The following PCED1B variants were observed in gnomAD, a reference collection of about 807,000 sequenced individuals.
PCED1B encodes PC-esterase domain containing 1B, also known as PC-esterase domain-containing protein 1B.
For missense variants in PCED1B, 573 were observed against 573.9 expected (o/e 1.00, Z 0.02); for synonymous variants, 251 against 246.1 (o/e 1.02, Z -0.19).
intron 2 of PCED1B, among the ~76,000 whole-genome samples, chr12:47,132,045 T>C (rs1940154752): frequency 6.6e-6 from 1 of 152,196 alleles, no homozygotes; most frequent in Non-Finnish European, 1.5e-5. Flanking sequence ...ACCTGGCCAG[T>C]AATGAACTTT....
At position 47,198,491 on chromosome 12, in the gene PCED1B, A is replaced by G. The variant is rs558941515; in HGVS notation, c.-525-17731A>G. Among the ~76,000 whole-genome samples, 17 of 152,286 alleles carry G rather than the reference A, an allele frequency of 1.1e-4. No individual in the cohort carries two copies. In the South Asian group the frequency reaches 1.7e-3, roughly 15 times the overall value. ...TAGATTCTTTCTCCCTACGATCAAG[A>G]ACAAGGCAAGGGTGTCCCCTCCCTC... On this transcript the variant is annotated intron_variant, in intron 2 of 3. Transcript: ENST00000546455.
chr12:47,130,625 G>A (rs1486337377), intron 2 of PCED1B, among the ~76,000 whole-genome samples: 1 of 152,130 alleles, frequency 6.6e-6, no homozygotes, highest in South Asian at 2.1e-4. Context: ...GGAATTCAAG[G>A]CTGCAGTGAG....
chr12:47,130,295 T>G (rs1442745128), intron 2 of PCED1B, among the ~76,000 whole-genome samples: 1 of 152,194 alleles, frequency 6.6e-6, no homozygotes, highest in Non-Finnish European at 1.5e-5. Flanking sequence ...AAAATTGAAA[T>G]TGGTTATTTC....
At chr12:47,177,586 T>G (rs1406203057) in intron 2 of PCED1B, among the ~76,000 whole-genome samples, 1 of 152,174 alleles carries the variant, frequency 6.6e-6, no homozygotes, top group African/African-American at 2.4e-5. Context: ...TATGTTGTAC[T>G]GATGCCTTAG....
At chr12:47,148,001 T>C (rs1209747906) in intron 2 of PCED1B, among the ~76,000 whole-genome samples, 1 of 152,212 alleles carries the variant, frequency 6.6e-6, no homozygotes, top group Non-Finnish European at 1.5e-5. Context: ...AATTTATAAA[T>C]AAAGGAAATT....
chr12:47,128,616 GA>G (rs1024552544), intron 2 of PCED1B, among the ~76,000 whole-genome samples: 34 of 151,942 alleles, frequency 2.2e-4, no homozygotes, highest in African/African-American at 8.2e-4. Context: ...AGAACAGTTT[GA>G]AAAAAATGTC....
intron 2 of PCED1B, among the ~76,000 whole-genome samples, chr12:47,125,736 G>A (rs190537254): frequency 7.2e-5 from 11 of 151,900 alleles, no homozygotes; most frequent in Non-Finnish European, 1.3e-4. Flanking sequence ...TGTCAGATTC[G>A]TTCCTAAGTA....
At chr12:47,160,359 G>A (rs1174276545) in intron 2 of PCED1B, among the ~76,000 whole-genome samples, 2 of 132,776 alleles carry the variant, frequency 1.5e-5, no homozygotes, top group Middle Eastern at 4.5e-3. Context: ...GAGTACAGTG[G>A]TGCAATCACA....
At position 47,123,461 on chromosome 12, in the gene PCED1B, T is replaced by C. The variant is rs140235404; in HGVS notation, c.-526+19266T>C. On this transcript the variant is annotated intron_variant, in intron 2 of 3. Transcript: ENST00000546455. Reference sequence around the variant, plus strand: ...ATCAATTATCTATAGAGAATAGAGATTGCACAAACATTTCCCTTTAAAAAT... The same window carrying C: ...ATCAATTATCTATAGAGAATAGAGACTGCACAAACATTTCCCTTTAAAAAT... Among the ~76,000 whole-genome samples the C allele has an allele frequency of 5.1e-3, 773 of 152,174 alleles. 5 individuals are homozygous for C. Among genetic ancestry groups the C allele is most frequent in the African/African-American group, 0.017 (704 of 41,544 alleles).
chr12:47,231,363 G>A (rs1263082102), intron 3 of PCED1B, among the ~76,000 whole-genome samples: 1 of 151,504 alleles, frequency 6.6e-6, no homozygotes, highest in African/African-American at 2.4e-5. Context: ...TAAGCTGGGG[G>A]TAGTAAATTC....
intron 2 of PCED1B, among the ~76,000 whole-genome samples, chr12:47,151,020 A>G (rs890378288): frequency 1.3e-5 from 2 of 152,140 alleles, no homozygotes; most frequent in African/African-American, 2.4e-5. Context: ...AAGAACTAAC[A>G]TAAGTAACTT....
At chr12:47,181,457 A>T (rs929241166) in intron 2 of PCED1B, among the ~76,000 whole-genome samples, 7 of 151,218 alleles carry the variant, frequency 4.6e-5, no homozygotes, top group African/African-American at 1.5e-4. Flanking sequence ...GCAACCTCCC[A>T]GGTTCAAGTG....
At chr12:47,149,782 T>C (rs887839968) in intron 2 of PCED1B, among the ~76,000 whole-genome samples, 1 of 152,222 alleles carries the variant, frequency 6.6e-6, no homozygotes, top group African/African-American at 2.4e-5. Context: ...GAGGAGTATA[T>C]TGAAGGCAAA....
chr12:47,109,336 A>G (rs1166833579), intron 2 of PCED1B, among the ~76,000 whole-genome samples: 1 of 147,006 alleles, frequency 6.8e-6, no homozygotes, highest in Non-Finnish European at 1.5e-5. Context: ...CTGGCTACAC[A>G]TTACAAGTAC....
chr12:47,201,383 C>T (rs896014011), intron 2 of PCED1B, among the ~76,000 whole-genome samples: 2 of 152,002 alleles, frequency 1.3e-5, no homozygotes, highest in African/African-American at 4.8e-5. Flanking sequence ...TCAGCTTGCA[C>T]AAGTTAAGTC....
intron 1 of PCED1B, among the ~76,000 whole-genome samples, chr12:47,085,864 A>G (rs1049668358): frequency 3.5e-4 from 54 of 152,140 alleles, no homozygotes; most frequent in African/African-American, 1.2e-3. Flanking sequence ...TTTGGTTCCT[A>G]CTTCAGAATC....
At chr12:47,115,186 G>A (rs1657712391) in intron 2 of PCED1B, among the ~76,000 whole-genome samples, 4 of 152,120 alleles carry the variant, frequency 2.6e-5, no homozygotes, top group African/African-American at 9.7e-5. Context: ...AGCCTTCTTT[G>A]AGTTAGGCCT....
intron 2 of PCED1B, among the ~76,000 whole-genome samples, chr12:47,191,525 T>A (rs2137658112): frequency 6.6e-6 from 1 of 152,290 alleles, no homozygotes; most frequent in Non-Finnish European, 1.5e-5. Flanking sequence ...CACTTTACTC[T>A]CATCCTAGGC....
At chr12:47,170,003 G>A (rs1941673237) in intron 2 of PCED1B, among the ~76,000 whole-genome samples, 1 of 150,010 alleles carries the variant, frequency 6.7e-6, no homozygotes, top group South Asian at 2.1e-4. Flanking sequence ...ATAAACACGT[G>A]AACAAGGGTC....
Sources: gnomAD v4.1 joint callset for allele counts (sites outside exome capture counted in the v4.1 genomes callset) on GRCh38, gnomAD v4.1.1 for gene constraint, MANE v1.5 for transcripts, NCBI Gene and HGNC (gene_info 2026-07-23, HGNC 2026-07-21) for gene names.